BAHCC1: variants seen among roughly 807,000 people sequenced by gnomAD.
The protein encoded by BAHCC1 is BAH domain and coiled-coil containing 1.
BAHCC1 carries 43 observed loss-of-function variants against 88.2 expected under a neutral mutation model. The ratio of observed to expected loss-of-function variants is 0.49; its 90% confidence interval spans 0.38 to 0.63. BAHCC1 has a LOEUF of 0.63. Ranked by LOEUF, BAHCC1 falls within the 20% of genes least tolerant of loss-of-function variation. The probability of loss-of-function intolerance (pLI) is 0.00; values close to 1 mark genes in which losing one functional copy is unlikely to be tolerated. For missense variants in BAHCC1, 3,023 were observed against 1,654.8 expected, an observed-to-expected ratio of 1.83 and a Z score of -14.34; for synonymous variants, 1,510 against 745.5, an observed-to-expected ratio of 2.03 and a Z score of -16.71.
At chr17:81,441,668 C>CAAAAAAAAA (rs11333301) in intron 4 of BAHCC1, among the ~76,000 whole-genome samples, 163 bp from the exon 5 acceptor site, 1 of 91,668 alleles carries the variant, frequency 1.1e-5, no homozygotes, top group Non-Finnish European at 2.1e-5. Context: ...GACTCCGTCT[C>CAAAAAAAAA]AAAAAAAAAA....
In BAHCC1 at chr17:81,435,144, C is replaced by T. The variant is rs1358911571; in HGVS notation, c.359-3226C>T. On this transcript the variant is annotated intron_variant, in intron 3 of 27. Coordinates refer to ENST00000675386, the MANE Select transcript of BAHCC1 (RefSeq NM_001377448.1). The surrounding 1 kb of genome is among the most constrained non-coding windows in gnomAD (Gnocchi z 4.4). ...TGCCCACTCTCTCTCCTCCTGCCCA[C>T]ACCACAGGCCTCCTACCTGCAACCC... Among the ~76,000 whole-genome samples the T allele has an allele frequency of 6.6e-6, 1 of 152,156 alleles. No individual in the cohort carries two copies. Among genetic ancestry groups the T allele is most frequent in the Non-Finnish European group, 1.5e-5 (1 of 68,012 alleles).
chr17:81,430,566 G>A (rs1470498045), intron 3 of BAHCC1, among the ~76,000 whole-genome samples: 2 of 152,194 alleles, frequency 1.3e-5, no homozygotes, highest in Non-Finnish European at 1.5e-5. Context: ...TGTCCCCTTC[G>A]TCCCCTCTGA....
chr17:81,417,381 G>A (rs111427770), intron 2 of BAHCC1, among the ~76,000 whole-genome samples: 4 of 152,032 alleles, frequency 2.6e-5, no homozygotes, highest in African/African-American at 4.8e-5. Flanking sequence ...CTGGCCACCC[G>A]CCTGCCCAGG....
Position 81,460,275 on chromosome 17 carries a change from A to C in BAHCC1, c.5906-2A>C. ...CTGCAAGCTCAGGTGTGCCGTCCAC[A>C]GGGGCCTCCGGTGACGAAGATGAGG... is the stretch of plus-strand genomic sequence containing the variant. On this transcript the variant is annotated splice_acceptor_variant, in intron 23 of 27. Coordinates refer to ENST00000675386, the MANE Select transcript of BAHCC1 (RefSeq NM_001377448.1). LOFTEE classifies it high-confidence loss of function. 1 of 766,110 alleles carries C rather than the reference A, an allele frequency of 1.3e-6. No individual in the cohort carries two copies. The highest frequency in any genetic ancestry group is 2.4e-6 in the Non-Finnish European group (1 of 411,620). The allele number at this position is 766,110 out of a possible 1,614,324, so 47.5% of individuals were successfully genotyped here.
chr17:81,416,603 C>CATGAGGATGGGT (rs2064034613), intron 2 of BAHCC1, among the ~76,000 whole-genome samples: 25 of 118,114 alleles, frequency 2.1e-4, no homozygotes, highest in Admixed American at 1.8e-4. Context: ...GGTGTATGCG[C>CATGAGGATGGGT]GTATGTACGT....
intron 2 of BAHCC1, among the ~76,000 whole-genome samples, chr17:81,413,697 T>C (rs2058511810): frequency 6.6e-6 from 1 of 152,186 alleles, no homozygotes; most frequent in Non-Finnish European, 1.5e-5. Context: ...GGCAGCCCGC[T>C]CGGACCACCT....
chr17:81,461,116 C>T lies in BAHCC1; in HGVS notation c.6453C>T (p.Asn2151=), dbSNP rs782302885. The part of the protein sequence containing the change: ...VHSVATPIFG[N]GFRADSFSSL... ...GCGTGGCCACACCCATATTTGGCAA[C>T]GGCTTCCGCGCCGACTCCTTCAGCA... is the stretch of plus-strand genomic sequence containing the variant. The change falls in exon 26 of 28, where the codon AAC becomes AAT. Residue 2151 remains asparagine (N), a synonymous_variant. Transcript: ENST00000675386. The T allele has an allele frequency of 2.6e-5, 20 of 765,060 alleles. No homozygotes were observed. The East Asian group carries it at 2.9e-4, about 11-fold the overall frequency. The allele number at this position is 765,060 out of a possible 1,614,324, so 47.4% of individuals were successfully genotyped here. A position where few individuals can be genotyped will look rare whatever the true frequency, so the allele number is the denominator to read the frequency against.
rs185615592 is a variant in BAHCC1 at position 81,448,838 on chromosome 17, G to T, written c.3976+990G>T. On this transcript the variant is annotated intron_variant, in intron 11 of 27. Coordinates refer to ENST00000675386, the MANE Select transcript of BAHCC1 (RefSeq NM_001377448.1). ...GGTGGGGCTGTGCAGAGGGTTTGAG[G>T]AAGCTTGGAGTCCTACCAGGGTGGG... is the stretch of plus-strand genomic sequence containing the variant. 5.9e-5 allele frequency among the ~76,000 whole-genome samples: 9 copies of T among 152,256 alleles called. No individual in the cohort carries two copies. The East Asian group carries it at 1.4e-3, about 23-fold the overall frequency.
At position 81,461,628 on chromosome 17, in the gene BAHCC1, G is replaced by T. The variant is rs1555659429; in HGVS notation, c.6965G>T (p.Gly2322Val). The T allele has an allele frequency of 1.4e-6, 1 of 739,548 alleles. No homozygotes were observed. The highest frequency in any genetic ancestry group is 2.3e-4 in the Middle Eastern group (1 of 4,404). 45.8% of individuals were successfully genotyped at this position (739,548 alleles called of 1,614,324 possible). A position where few individuals can be genotyped will look rare whatever the true frequency, so the allele number is the denominator to read the frequency against. ...CTGTCCGTGTCCTCTTCCTCCTCTG[G>T]CTCGTCCACCTCCTCCTCCTCAGGC... ...ARLSVSSSSSGSSTSSSSGSV... is the reference protein window; with the variant it reads ...ARLSVSSSSSVSSTSSSSGSV... Residue 2322 changes from glycine (G) to valine (V), a missense_variant, in exon 26 of 28, where the codon GGC becomes GTC. Physicochemically the swap from Gly to Val is moderately radical, Grantham distance 109. Coordinates refer to ENST00000675386, the MANE Select transcript of BAHCC1 (RefSeq NM_001377448.1).
intron 16 of BAHCC1, among the ~76,000 whole-genome samples, chr17:81,457,166 G>T (rs2064764913): frequency 2.6e-5 from 4 of 152,126 alleles, no homozygotes; most frequent in Admixed American, 2.6e-4. Context: ...CCTGGTGGGT[G>T]CCCTATTGCC....
chr17:81,455,204 G>A, intron 14 of BAHCC1, 63 bp from the exon 15 acceptor site: 1 of 694,110 alleles, frequency 1.4e-6, no homozygotes, highest in Non-Finnish European at 2.7e-6. Flanking sequence ...AGAGACAGTA[G>A]GGGGACAAGG....
rs1555653941 is a variant in BAHCC1, at chr17:81,445,059, G to A, written c.2716G>A (p.Gly906Ser). ...QASLWPPMYG[G>S]RGPASHMQHP... ...GTCACTGTGGCCCCCCATGTACGGG[G>A]GCCGGGGCCCCGCCTCTCACATGCA... The change falls in exon 9 of 28, where the codon GGC becomes AGC. Residue 906 changes from glycine to serine, a missense_variant. Coordinates refer to ENST00000675386, the MANE Select transcript of BAHCC1 (RefSeq NM_001377448.1). The A allele has an allele frequency of 1.3e-6, 1 of 766,268 alleles. No homozygotes were observed. The allele number at this position is 766,268 out of a possible 1,614,324, so 47.5% of individuals were successfully genotyped here.
rs372794166 is a variant in BAHCC1 at position 81,458,154 on chromosome 17, C to T, written c.5042-11C>T. The T allele has an allele frequency of 2.2e-5, 16 of 716,692 alleles. No homozygotes were observed. The highest frequency in any genetic ancestry group is 8.7e-5 in the African/African-American group (5 of 57,214). 44.4% of individuals were successfully genotyped at this position (716,692 alleles called of 1,614,324 possible). A position where few individuals can be genotyped will look rare whatever the true frequency, so the allele number is the denominator to read the frequency against. On this transcript the variant is annotated splice_polypyrimidine_tract_variant and intron_variant, in intron 17 of 27. Coordinates refer to ENST00000675386, the MANE Select transcript of BAHCC1 (RefSeq NM_001377448.1). The stretch of plus-strand genomic sequence containing the variant: ...GGGGACCCCTGTGACGGCCTCCTCT[C>T]CTTCCCACAGGGGCCTGCCGCCTGT...
Position 81,460,903 on chromosome 17 carries a change from C to G in BAHCC1, c.6240C>G (p.Pro2080=). The part of the protein sequence containing the change: ...AELLTSGAKS[P]TGASDHFLGR... ...TCCTAACCTCAGGTGCCAAATCCCC[C>G]ACGGGGGCCTCCGACCACTTCCTGG... Residue 2080 remains proline, a synonymous_variant, in exon 26 of 28, where the codon CCC becomes CCG. Coordinates refer to ENST00000675386, the MANE Select transcript of BAHCC1 (RefSeq NM_001377448.1). The G allele has an allele frequency of 3.9e-6, 3 of 767,610 alleles. No homozygotes were observed. Among genetic ancestry groups the G allele is most frequent in the Non-Finnish European group, 7.2e-6 (3 of 417,900 alleles). The allele number at this position is 767,610 out of a possible 1,614,324, so 47.5% of individuals were successfully genotyped here.
intron 16 of BAHCC1, 81 bp downstream of exon 16, chr17:81,456,666 A>G (rs1217532506): frequency 1.6e-6 from 1 of 640,686 alleles, no homozygotes; most frequent in African/African-American, 1.9e-5. Flanking sequence ...CGGCAGGTTC[A>G]TGGCCGCCAC....
At chr17:81,433,730 C>A (rs2064299106) in intron 3 of BAHCC1, among the ~76,000 whole-genome samples, 1 of 152,062 alleles carries the variant, frequency 6.6e-6, no homozygotes, top group Admixed American at 6.5e-5. Flanking sequence ...GTGCCCCGGG[C>A]AGGTGTCGTC....
chr17:81,458,522 C>A, intron 18 of BAHCC1, 56 bp downstream of exon 18: 1 of 646,700 alleles, frequency 1.5e-6, no homozygotes, highest in Admixed American at 2.2e-5. Flanking sequence ...TGAGGAAAGG[C>A]CTTCCCCGCC....
chr17:81,454,564 C>T (rs1342588080), intron 14 of BAHCC1, among the ~76,000 whole-genome samples: 3 of 151,720 alleles, frequency 2.0e-5, no homozygotes, highest in Non-Finnish European at 4.4e-5. Context: ...ACCCACCTGC[C>T]CCTACCCCCG....
intron 2 of BAHCC1, among the ~76,000 whole-genome samples, chr17:81,422,545 C>G (rs1555649718): frequency 1.3e-5 from 2 of 152,198 alleles, no homozygotes; most frequent in African/African-American, 4.8e-5. Flanking sequence ...GCCCCCATCC[C>G]CTTCCCTCTC....
Sources: allele counts gnomAD v4.1 joint callset (sites outside exome capture counted in the v4.1 genomes callset), GRCh38; gene constraint gnomAD v4.1.1; non-coding constraint Gnocchi (gnomAD v3.1); transcripts MANE v1.5; gene names NCBI Gene and HGNC (gene_info 2026-07-23, HGNC 2026-07-21).